Variants in ABI2 observed in about 807,000 individuals in gnomAD.
The protein encoded by ABI2 is abl interactor 2, also known as abelson interactor 2.
In ABI2, 25 loss-of-function variants were observed where a neutral mutation model predicts 59.2. The ratio of observed to expected loss-of-function variants is 0.42; its 90% CI spans 0.31 to 0.59. The LOEUF is 0.59. Ranked by LOEUF, ABI2 falls within the 20% of genes least tolerant of loss-of-function variation. The pLI, the probability that ABI2 is intolerant of heterozygous loss-of-function variation, is 0.14. For missense variants in ABI2, 545 were observed against 681.8 expected (o/e 0.80, Z 2.23); for synonymous variants, 213 against 235.5 (o/e 0.90, Z 0.87).
intron 1 of ABI2, chr2:203,355,351 T>TA (rs1046802629): frequency 5.2e-3 from 910 of 175,330 alleles, no homozygotes; most frequent in South Asian, 0.017. Flanking sequence ...AAAAATAAAA[T>TA]AAAAAAAAAA....
intron 1 of ABI2, among the ~76,000 whole-genome samples, chr2:203,349,909 A>T (rs1217257606): frequency 6.6e-6 from 1 of 152,120 alleles, no homozygotes; most frequent in Non-Finnish European, 1.5e-5. Context: ...TGGGGTATAT[A>T]CCTAAGAGTA....
Position 203,366,878 on chromosome 2 carries a change from C to T in ABI2, c.119C>T (p.Ser40Leu). 1 of 1,528,228 alleles carries T rather than the reference C, an allele frequency of 6.5e-7. No homozygotes were observed. Among genetic ancestry groups the T allele is most frequent in the Non-Finnish European group, 8.8e-7 (1 of 1,133,562 alleles). The allele number at this position is 1,528,228 out of a possible 1,614,324, so 94.7% of individuals were successfully genotyped here. A position where few individuals can be genotyped will look rare whatever the true frequency, so the allele number is the denominator to read the frequency against. ...TCACTGGTTTGTTTTTTTTCCCAGT[C>T]AGCAGATAAGCAGAGAGCCCTAGAA... The part of the protein sequence containing the change: ...ADYCENNYIQ[S>L]ADKQRALEET... Residue 40 changes from serine (S) to leucine (L), a missense_variant and splice_region_variant, in exon 2 of 12, where the codon TCA becomes TTA. By Grantham distance (145) the Ser-to-Leu change is moderately radical. Coordinates refer to ENST00000261018, the MANE Select transcript of ABI2 (RefSeq NM_001375670.1).
intron 2 of ABI2, 112 bp from the exon 3 acceptor site, chr2:203,380,096 G>A: frequency 1.5e-6 from 1 of 654,894 alleles, no homozygotes; most frequent in Non-Finnish European, 2.4e-6. Context: ...AATTTAGCAA[G>A]CATAGTTTAG....
intron 5 of ABI2, among the ~76,000 whole-genome samples, chr2:203,393,230 T>A (rs918489577): frequency 4.6e-5 from 7 of 152,170 alleles, no homozygotes; most frequent in East Asian, 1.9e-4. Context: ...AATTTTTGTA[T>A]TTTTAGTAGA....
chr2:203,426,328 A>T (rs2098424012), intron 11 of ABI2, among the ~76,000 whole-genome samples: 1 of 152,208 alleles, frequency 6.6e-6, no homozygotes, highest in Non-Finnish European at 1.5e-5. Context: ...TTCAAGTGGA[A>T]TTGAGGATGT....
At chr2:203,409,856 A>G (rs1230283804) in intron 9 of ABI2, among the ~76,000 whole-genome samples, 2 of 152,202 alleles carry the variant, frequency 1.3e-5, no homozygotes, top group Non-Finnish European at 2.9e-5. Flanking sequence ...CCAGGAAATG[A>G]TGGATCAGAG....
At chr2:203,333,563 G>C (rs1208902914) in intron 1 of ABI2, among the ~76,000 whole-genome samples, 1 of 152,132 alleles carries the variant, frequency 6.6e-6, no homozygotes, top group African/African-American at 2.4e-5. Flanking sequence ...ATTCCCCATA[G>C]ATTAAGATGA....
intron 2 of ABI2, chr2:203,375,860 C>G: frequency 2.5e-6 from 1 of 394,106 alleles, no homozygotes; most frequent in Non-Finnish European, 4.5e-6. Context: ...ATTTAGTGCT[C>G]TCTGTCAAAT....
chr2:203,399,504 A>G (rs1280789330), intron 8 of ABI2, among the ~76,000 whole-genome samples: 2 of 143,296 alleles, frequency 1.4e-5, no homozygotes, highest in African/African-American at 2.6e-5. Context: ...CTTATTTTCT[A>G]TTTTTTTGGC....
intron 1 of ABI2, among the ~76,000 whole-genome samples, chr2:203,353,057 A>G (rs943687927): frequency 3.3e-5 from 5 of 152,192 alleles, no homozygotes; most frequent in Non-Finnish European, 5.9e-5. Flanking sequence ...TTACTCTGTG[A>G]TGTTTGCACA....
rs146085015 is a variant in ABI2 at position 203,344,192 on chromosome 2, A to T, written c.117+15561A>T. Among the ~76,000 whole-genome samples, 1,478 of 152,356 alleles carry T rather than the reference A, an allele frequency of 9.7e-3. 5 individuals carry two copies. The highest frequency in any genetic ancestry group is 0.014 in the Non-Finnish European group (932 of 68,038). On this transcript the variant is annotated intron_variant, in intron 1 of 11. Transcript: ENST00000261018. ...CTGTTTAGAGACAGTCTTATTGAGCAGCATAAGTTGTACCATCTTACAATT... is the reference window on the plus strand; with the variant it reads ...CTGTTTAGAGACAGTCTTATTGAGCTGCATAAGTTGTACCATCTTACAATT...
intron 1 of ABI2, 110 bp downstream of exon 1, chr2:203,328,741 G>A (rs1423366437): frequency 1.7e-6 from 1 of 584,868 alleles, no homozygotes; most frequent in South Asian, 3.0e-5. Flanking sequence ...CGGAGCCCCC[G>A]ATGGGGGTGG....
intron 2 of ABI2, among the ~76,000 whole-genome samples, chr2:203,373,610 C>CA (rs2095472054): frequency 6.6e-6 from 1 of 152,052 alleles, no homozygotes. Context: ...TCAAGTTTGT[C>CA]ATGGCTTAGA....
chr2:203,385,032 G>T (rs187740640), intron 4 of ABI2, among the ~76,000 whole-genome samples: 3 of 151,316 alleles, frequency 2.0e-5, no homozygotes, highest in Non-Finnish European at 4.4e-5. Context: ...ACAGGGTTTC[G>T]CCATGTTGGC....
intron 1 of ABI2, among the ~76,000 whole-genome samples, chr2:203,345,013 A>G (rs1456577115): frequency 6.6e-6 from 1 of 152,184 alleles, no homozygotes; most frequent in Admixed American, 6.5e-5. Flanking sequence ...TCACAAAATA[A>G]GGGAATAAAA....
chr2:203,361,568 A>G (rs1436714142), intron 1 of ABI2, among the ~76,000 whole-genome samples: 1 of 152,182 alleles, frequency 6.6e-6, no homozygotes. Flanking sequence ...TGTAGGAGAC[A>G]GTATAGAAGT....
At chr2:203,354,791 T>G (rs1468096121) in intron 1 of ABI2, among the ~76,000 whole-genome samples, 1 of 152,326 alleles carries the variant, frequency 6.6e-6, no homozygotes, top group East Asian at 1.9e-4. Flanking sequence ...TCTTTTATAT[T>G]GGTCTGTAAA....
At chr2:203,336,440 A>AT (rs1192555078) in intron 1 of ABI2, among the ~76,000 whole-genome samples, 2 of 152,200 alleles carry the variant, frequency 1.3e-5, no homozygotes, top group Admixed American at 1.3e-4. Context: ...GGAATATAAG[A>AT]TTATGGAAGT....
intron 8 of ABI2, among the ~76,000 whole-genome samples, chr2:203,400,017 T>G (rs1462535432): frequency 6.6e-6 from 1 of 151,526 alleles, no homozygotes; most frequent in Non-Finnish European, 1.5e-5. Context: ...TTATGATAAT[T>G]AGGTATATAT....
Sources: gnomAD v4.1 joint callset for allele counts (sites outside exome capture counted in the v4.1 genomes callset) on GRCh38, gnomAD v4.1.1 for gene constraint, MANE v1.5 for transcripts, NCBI Gene and HGNC (gene_info 2026-07-23, HGNC 2026-07-21) for gene names.